CCDC178: variants seen among roughly 807,000 people sequenced by gnomAD.
CCDC178 encodes the protein coiled-coil domain containing 178.
In CCDC178, 126 loss-of-function variants were observed where a neutral mutation model predicts 117.4. That is an observed-to-expected ratio of 1.07 (90% confidence interval 0.93 to 1.24). The LOEUF is 1.24. CCDC178 is among the 50% of genes most tolerant of loss of function. CCDC178 has a pLI of 0.00. For missense variants in CCDC178, 1,030 were observed against 986.9 expected, an observed-to-expected ratio of 1.04 and a Z score of -0.59; for synonymous variants, 283 against 313.4, an observed-to-expected ratio of 0.90 and a Z score of 1.02.
chr18:33,190,118 C>T (rs934668582), intron 20 of CCDC178, among the ~76,000 whole-genome samples: 2 of 152,136 alleles, frequency 1.3e-5, no homozygotes, highest in African/African-American at 4.8e-5. Flanking sequence ...CTCCATGAGC[C>T]CCCGCTTCAT....
At chr18:33,067,852 AAAAG>A (rs1339581970) in intron 21 of CCDC178, among the ~76,000 whole-genome samples, 10 of 152,092 alleles carry the variant, frequency 6.6e-5, no homozygotes, top group African/African-American at 2.2e-4. Context: ...TAAATAAATA[AAAAG>A]AAAGAAAGAA....
intron 21 of CCDC178, among the ~76,000 whole-genome samples, chr18:33,048,563 G>A (rs1194161183): frequency 6.6e-6 from 1 of 152,030 alleles, no homozygotes; most frequent in East Asian, 1.9e-4. Flanking sequence ...CTTCATCTTT[G>A]TGTTTTTAAT....
At chr18:33,251,385 G>A (rs1296925554) in intron 14 of CCDC178, among the ~76,000 whole-genome samples, 1 of 151,742 alleles carries the variant, frequency 6.6e-6, no homozygotes, top group African/African-American at 2.4e-5. Flanking sequence ...TAGGAGTCAA[G>A]AGAGGGAGAA....
intron 14 of CCDC178, among the ~76,000 whole-genome samples, chr18:33,263,726 T>C (rs1016987145): frequency 6.6e-6 from 1 of 152,090 alleles, no homozygotes; most frequent in Non-Finnish European, 1.5e-5. Flanking sequence ...GAACTTTTGG[T>C]TAAATGGAGC....
intron 21 of CCDC178, among the ~76,000 whole-genome samples, chr18:33,082,948 A>T (rs2057320947): frequency 6.6e-6 from 1 of 151,976 alleles, no homozygotes; most frequent in African/African-American, 2.4e-5. Flanking sequence ...ATAATAGTAT[A>T]AAAATAATGA....
At chr18:33,132,137 T>G (rs1159908674) in intron 20 of CCDC178, among the ~76,000 whole-genome samples, 1 of 151,764 alleles carries the variant, frequency 6.6e-6, no homozygotes, top group Non-Finnish European at 1.5e-5. Context: ...ATAAAAATAT[T>G]AGCAGGGTGA....
At chr18:33,182,023 T>C (rs2058738125) in intron 20 of CCDC178, among the ~76,000 whole-genome samples, 1 of 151,822 alleles carries the variant, frequency 6.6e-6, no homozygotes, top group African/African-American at 2.4e-5. Context: ...ATAAAAGAAA[T>C]TTTTACTTTG....
rs953169452 is a variant in CCDC178, at chr18:33,406,876, C to T, written c.58+5155G>A. ...AAACATACTAATTGACGTTTGTTAA[C>T]TGGAGAGTTCTTATCAACAGAAAGC... On this transcript the variant is annotated intron_variant, in intron 3 of 22. Transcript: ENST00000383096. Among the ~76,000 whole-genome samples the T allele has an allele frequency of 3.5e-4, 53 of 152,226 alleles. 1 individual carries two copies. Among genetic ancestry groups the T allele is most frequent in the African/African-American group, 1.0e-3 (42 of 41,550 alleles).
intron 2 of CCDC178, among the ~76,000 whole-genome samples, chr18:33,416,244 G>A (rs1021365220): frequency 1.3e-5 from 2 of 152,072 alleles, no homozygotes; most frequent in African/African-American, 2.4e-5. Context: ...TGACTGACAC[G>A]GTGAAACCCC....
chr18:33,365,876 A>T (rs1210415418), intron 6 of CCDC178, among the ~76,000 whole-genome samples: 1 of 152,102 alleles, frequency 6.6e-6, no homozygotes, highest in Admixed American at 6.6e-5. Flanking sequence ...AGATATTCAG[A>T]TGATTATTTT....
chr18:33,152,370 A>G (rs555909249), intron 20 of CCDC178, among the ~76,000 whole-genome samples: 5 of 152,108 alleles, frequency 3.3e-5, no homozygotes, highest in Admixed American at 3.3e-4. Context: ...AGTTTCTCCT[A>G]TCCCTTGAAT....
At chr18:33,094,619 T>C (rs1296259916) in intron 20 of CCDC178, among the ~76,000 whole-genome samples, 1 of 151,938 alleles carries the variant, frequency 6.6e-6, no homozygotes, top group African/African-American at 2.4e-5. Context: ...GGGATTTGCA[T>C]TTTACCAATT....
At chr18:33,363,406 A>C (rs982864646) in intron 6 of CCDC178, among the ~76,000 whole-genome samples, 7 of 152,046 alleles carry the variant, frequency 4.6e-5, no homozygotes, top group African/African-American at 1.7e-4. Flanking sequence ...TACAGAAATG[A>C]AAGTACCTCT....
chr18:33,370,417 C>T (rs977849156), intron 5 of CCDC178, among the ~76,000 whole-genome samples: 12 of 150,882 alleles, frequency 8.0e-5, no homozygotes, highest in African/African-American at 1.2e-4. Context: ...AAAATGAACC[C>T]GAGAAGCCAA....
Position 33,284,273 on chromosome 18 carries a change from AG to A in CCDC178, c.1176+8885del, listed in dbSNP as rs368638541. 7.9e-3 allele frequency among the ~76,000 whole-genome samples: 1,197 copies of A among 152,198 alleles called. 21 individuals are homozygous for A. The highest frequency in any genetic ancestry group is 0.027 in the African/African-American group (1,120 of 41,524). On this transcript the variant is annotated intron_variant, in intron 12 of 22. Transcript: ENST00000383096. ...CTATCAGAGGGTGGAGAGTGGGAGG[AG>A]GGAGAGGATCAGGAAAAATAACTAA...
chr18:33,326,291 G>T (rs553747275), intron 10 of CCDC178, among the ~76,000 whole-genome samples: 1 of 152,114 alleles, frequency 6.6e-6, no homozygotes, highest in African/African-American at 2.4e-5. Context: ...TACTTGTCTG[G>T]GGCCTGTCTC....
At chr18:33,011,380 G>T (rs1416100397) in intron 21 of CCDC178, among the ~76,000 whole-genome samples, 1 of 152,030 alleles carries the variant, frequency 6.6e-6, no homozygotes, top group East Asian at 1.9e-4. Context: ...GCAGCCATTT[G>T]CATCTGAGGA....
chr18:33,186,426 G>A (rs1359939941), intron 20 of CCDC178, among the ~76,000 whole-genome samples: 1 of 152,034 alleles, frequency 6.6e-6, no homozygotes, highest in African/African-American at 2.4e-5. Context: ...TAGTATGTGT[G>A]TTAACAACCT....
intron 14 of CCDC178, among the ~76,000 whole-genome samples, chr18:33,260,763 G>C (rs539643412): frequency 8.5e-5 from 13 of 152,068 alleles, no homozygotes; most frequent in Admixed American, 5.9e-4. Flanking sequence ...TTGTTTGTTA[G>C]ATAGGTAGAG....
Sources: allele counts gnomAD v4.1 joint callset (sites outside exome capture counted in the v4.1 genomes callset), GRCh38; gene constraint gnomAD v4.1.1; transcripts MANE v1.5; gene names NCBI Gene and HGNC (gene_info 2026-07-23, HGNC 2026-07-21).